Variants in DZIP1L observed in about 807,000 individuals in gnomAD.
The protein encoded by DZIP1L is cilium assembly protein DZIP1L.
A neutral mutation model predicts 88.7 loss-of-function variants in DZIP1L; 90 were observed. That is an observed-to-expected ratio of 1.02 (90% confidence interval 0.86 to 1.21). DZIP1L has a LOEUF of 1.21. Among genes scored for constraint, DZIP1L ranks in the 50% most tolerant of loss-of-function variants. DZIP1L has a pLI of 0.00. For synonymous variants in DZIP1L, 363 were observed against 372.1 expected (o/e 0.98, Z 0.28); for missense variants, 932 against 955.8 (o/e 0.98, Z 0.33).
At chr3:138,100,030 CTTT>C (rs761034387) in intron 2 of DZIP1L, among the ~76,000 whole-genome samples, 1 of 144,186 alleles carries the variant, frequency 6.9e-6, no homozygotes. Context: ...AACCCCCATC[CTTT>C]TTTTTTTTTT....
At chr3:138,105,317 T>C (rs1351573086) in intron 1 of DZIP1L, among the ~76,000 whole-genome samples, 1 of 151,930 alleles carries the variant, frequency 6.6e-6, no homozygotes. Context: ...GATGGTCAGA[T>C]AGACAGGTAA....
intron 11 of DZIP1L, 77 bp from the exon 12 acceptor site, chr3:138,071,912 G>A: frequency 7.1e-7 from 1 of 1,402,652 alleles, no homozygotes; most frequent in Non-Finnish European, 9.6e-7. Flanking sequence ...CACACCTGCT[G>A]CTGCTGGCCT....
intron 5 of DZIP1L, among the ~76,000 whole-genome samples, chr3:138,091,978 G>A (rs968921220): frequency 1.3e-5 from 2 of 152,088 alleles, no homozygotes; most frequent in African/African-American, 4.8e-5. Flanking sequence ...ATTAAATTTT[G>A]CCCCATTTCT....
chr3:138,077,934 G>A (rs1215147696), intron 10 of DZIP1L, among the ~76,000 whole-genome samples: 1 of 152,188 alleles, frequency 6.6e-6, no homozygotes, highest in Non-Finnish European at 1.5e-5. Context: ...TAGACAGATC[G>A]CTGCTCCCTC....
At chr3:138,072,878 T>C (rs967974244) in intron 11 of DZIP1L, among the ~76,000 whole-genome samples, 18 of 152,324 alleles carry the variant, frequency 1.2e-4, no homozygotes, top group African/African-American at 3.8e-4. Flanking sequence ...GGAGATGGGC[T>C]GAGGCCTGTG....
intron 5 of DZIP1L, among the ~76,000 whole-genome samples, chr3:138,091,718 G>C (rs1041019611): frequency 6.8e-6 from 1 of 146,890 alleles, no homozygotes. Flanking sequence ...GAAAGAGAGA[G>C]AGAAAGAAAT....
intron 5 of DZIP1L, among the ~76,000 whole-genome samples, chr3:138,090,546 C>A (rs765521797): frequency 2.6e-5 from 4 of 152,152 alleles, no homozygotes; most frequent in Admixed American, 1.3e-4. Flanking sequence ...GAAGCGCTTG[C>A]GTCATTTTAG....
intron 12 of DZIP1L, among the ~76,000 whole-genome samples, chr3:138,070,353 G>A (rs1351775380): frequency 1.3e-5 from 2 of 152,214 alleles, no homozygotes; most frequent in Non-Finnish European, 2.9e-5. Flanking sequence ...AGGCAGATTG[G>A]CAACCAGGAC....
At chr3:138,086,780 T>G (rs1420224357) in intron 7 of DZIP1L, among the ~76,000 whole-genome samples, 181 bp downstream of exon 7, 1 of 152,182 alleles carries the variant, frequency 6.6e-6, no homozygotes, top group Non-Finnish European at 1.5e-5. Flanking sequence ...AGCTGCTGGC[T>G]GGACAGCTCA....
chr3:138,084,052 A>T lies in DZIP1L; in HGVS notation c.1203+61T>A, dbSNP rs1298118795. ...GATGAGCCCAAAAGAATCCAAGGAG[A>T]TCCTCACAGGAAAGAGGCCCAGGGA... On this transcript the variant is annotated intron_variant, in intron 8 of 15. Transcript: ENST00000327532. 3.8e-6 allele frequency: 6 copies of T among 1,582,496 alleles called. No individual in the cohort carries two copies. In the Admixed American group the frequency reaches 1.1e-4, roughly 28 times the overall value.
intron 15 of DZIP1L, 41 bp downstream of exon 15, chr3:138,064,587 T>C: frequency 6.2e-7 from 1 of 1,614,020 alleles, no homozygotes; most frequent in Non-Finnish European, 8.5e-7. Context: ...GCTGGTTCTG[T>C]AGAGAATTCC....
chr3:138,105,365 A>AAT lies in DZIP1L; in HGVS notation c.-81-1315_-81-1314dup, dbSNP rs553482947. Reference sequence around the variant, plus strand: ...AGACCAATGATGATCATTTTATATAAATATATATATATATACATATTCAGT... The same window carrying AAT: ...AGACCAATGATGATCATTTTATATAAATATATATATATATATACATATTCAGT... On this transcript the variant is annotated intron_variant, in intron 1 of 15. Coordinates refer to ENST00000327532, the MANE Select transcript of DZIP1L (RefSeq NM_173543.3). Among the ~76,000 whole-genome samples, 49 of 150,198 alleles carry AAT rather than the reference A, an allele frequency of 3.3e-4. No individual in the cohort carries two copies. In the South Asian group the frequency reaches 5.3e-3, roughly 16 times the overall value.
chr3:138,086,909 G>A (rs1448634801), intron 7 of DZIP1L, 52 bp downstream of exon 7: 19 of 1,588,702 alleles, frequency 1.2e-5, no homozygotes, highest in Non-Finnish European at 1.6e-5. Context: ...GCTGAATTCT[G>A]AGAGGAGGTC....
At chr3:138,110,410 C>G (rs1342093511) in intron 1 of DZIP1L, among the ~76,000 whole-genome samples, 1 of 151,988 alleles carries the variant, frequency 6.6e-6, no homozygotes, top group Non-Finnish European at 1.5e-5. Context: ...ATGTAACAAA[C>G]CTGCACGTTG....
intron 1 of DZIP1L, among the ~76,000 whole-genome samples, chr3:138,105,628 T>A (rs2042460145): frequency 6.6e-6 from 1 of 152,100 alleles, no homozygotes; most frequent in South Asian, 2.1e-4. Context: ...ACTCTGTACA[T>A]GTTCAGTACA....
At chr3:138,097,205 G>T (rs1944518088) in intron 3 of DZIP1L, among the ~76,000 whole-genome samples, 2 of 151,406 alleles carry the variant, frequency 1.3e-5, no homozygotes, top group Non-Finnish European at 2.9e-5. Context: ...GAAAAGAAAA[G>T]AAAAGTGAAT....
At chr3:138,067,257 C>T (rs1942951720) in intron 14 of DZIP1L, among the ~76,000 whole-genome samples, 1 of 152,174 alleles carries the variant, frequency 6.6e-6, no homozygotes, top group Non-Finnish European at 1.5e-5. Context: ...GTGAATGGCT[C>T]CCTTCAACCT....
intron 1 of DZIP1L, chr3:138,113,506 C>T (rs1310204296): frequency 6.6e-6 from 1 of 152,212 alleles, no homozygotes. Context: ...CTAACTTCAG[C>T]AGTGCCCACT....
intron 10 of DZIP1L, among the ~76,000 whole-genome samples, chr3:138,077,873 G>C (rs1164461660): frequency 6.6e-6 from 1 of 152,200 alleles, no homozygotes; most frequent in East Asian, 1.9e-4. Context: ...CCCTCATCTC[G>C]TTTCCATGCC....
Sources: gnomAD v4.1 joint callset for allele counts (sites outside exome capture counted in the v4.1 genomes callset) on GRCh38, gnomAD v4.1.1 for gene constraint, MANE v1.5 for transcripts, NCBI Gene and HGNC (gene_info 2026-07-23, HGNC 2026-07-21) for gene names.